Variants in SAMSN1 observed in about 807,000 individuals in gnomAD.
SAMSN1 encodes SAM domain, SH3 domain and nuclear localization signals 1.
In SAMSN1, 31 loss-of-function variants were observed where a neutral mutation model predicts 42.0. The observed-to-expected ratio is 0.74, with a 90% CI of 0.55 to 1.00. SAMSN1 has a LOEUF of 1.00. Ranked by LOEUF, SAMSN1 falls within the 50% of genes least tolerant of loss-of-function variation. SAMSN1 has a pLI of 0.00. For missense variants in SAMSN1, 464 were observed against 439.4 expected (o/e 1.06, Z -0.50); for synonymous variants, 178 against 151.9 (o/e 1.17, Z -1.26).
At chr21:14,602,370 T>G (rs1012822306) in intron 5 of SAMSN1, among the ~76,000 whole-genome samples, 4 of 152,128 alleles carry the variant, frequency 2.6e-5, no homozygotes, top group African/African-American at 9.7e-5. Flanking sequence ...CTCCCTTTCT[T>G]GGTAATAATA....
At chr21:14,557,118 C>A (rs1165115530) in intron 2 of SAMSN1, among the ~76,000 whole-genome samples, 1 of 152,084 alleles carries the variant, frequency 6.6e-6, no homozygotes, top group Non-Finnish European at 1.5e-5. Context: ...GCAGGCCTGG[C>A]AGAAGGGTCT....
intron 7 of SAMSN1, among the ~76,000 whole-genome samples, chr21:14,486,650 T>C (rs1986449677): frequency 6.6e-6 from 1 of 152,170 alleles, no homozygotes; most frequent in South Asian, 2.1e-4. Flanking sequence ...CTAATAAAAC[T>C]TTAAATATCC....
intron 2 of SAMSN1, among the ~76,000 whole-genome samples, chr21:14,559,637 C>CT (rs1980879404): frequency 6.6e-6 from 1 of 152,064 alleles, no homozygotes; most frequent in African/African-American, 2.4e-5. Flanking sequence ...ATTGCTAGGA[C>CT]TACAGGTGTT....
chr21:14,569,848 A>G (rs1213711163), intron 2 of SAMSN1, among the ~76,000 whole-genome samples: 1 of 152,196 alleles, frequency 6.6e-6, no homozygotes, highest in South Asian at 2.1e-4. Flanking sequence ...TGGCCTCAAA[A>G]TATGATGGTT....
intron 2 of SAMSN1, among the ~76,000 whole-genome samples, chr21:14,559,586 A>G (rs1980876794): frequency 1.3e-5 from 2 of 152,096 alleles, no homozygotes; most frequent in South Asian, 4.1e-4. Context: ...TCACTGCAGC[A>G]TTGAACTCAT....
intron 5 of SAMSN1, among the ~76,000 whole-genome samples, chr21:14,501,722 T>C (rs1987162678): frequency 6.6e-6 from 1 of 152,250 alleles, no homozygotes; most frequent in Non-Finnish European, 1.5e-5. Context: ...ACACTAAGGA[T>C]AAATTATGCT....
intron 7 of SAMSN1, among the ~76,000 whole-genome samples, chr21:14,496,651 A>G (rs2123673725): frequency 6.6e-6 from 1 of 152,312 alleles, no homozygotes; most frequent in Non-Finnish European, 1.5e-5. Context: ...ACACTGATCA[A>G]TTTTGTCTTG....
At chr21:14,648,823 G>A (rs1334147874) in intron 1 of SAMSN1, among the ~76,000 whole-genome samples, 1 of 152,064 alleles carries the variant, frequency 6.6e-6, no homozygotes, top group African/African-American at 2.4e-5. Flanking sequence ...CTGTGGGTGG[G>A]ACTGTAAACT....
intron 2 of SAMSN1, among the ~76,000 whole-genome samples, chr21:14,559,233 T>A (rs1980863512): frequency 6.6e-6 from 1 of 152,154 alleles, no homozygotes; most frequent in Non-Finnish European, 1.5e-5. Flanking sequence ...TATGGTGCAA[T>A]CAGTATGTCA....
At chr21:14,496,147 A>G (rs760609817) in intron 7 of SAMSN1, 1 of 152,190 alleles carries the variant, frequency 6.6e-6, no homozygotes, top group Non-Finnish European at 1.5e-5. Context: ...GCAGCCATGG[A>G]AGCCTCTCGC....
chr21:14,489,490 A>G (rs1167051249), intron 7 of SAMSN1, among the ~76,000 whole-genome samples: 1 of 152,172 alleles, frequency 6.6e-6, no homozygotes, highest in Admixed American at 6.5e-5. Context: ...AAGAATTAAA[A>G]CGGTATAATT....
intron 2 of SAMSN1, 121 bp downstream of exon 2, chr21:14,521,029 C>T: frequency 1.5e-6 from 1 of 662,432 alleles, no homozygotes; most frequent in South Asian, 2.0e-5. Context: ...AAAACATATG[C>T]AAGGCTATAA....
intron 1 of SAMSN1, among the ~76,000 whole-genome samples, chr21:14,652,188 A>C (rs1263532651): frequency 6.6e-6 from 1 of 152,030 alleles, no homozygotes; most frequent in African/African-American, 2.4e-5. Context: ...ATGGAAAAAA[A>C]ATCCTAAAAT....
intron 4 of SAMSN1, 113 bp downstream of exon 4, chr21:14,512,331 C>A: frequency 9.6e-7 from 1 of 1,046,822 alleles, no homozygotes; most frequent in Non-Finnish European, 1.4e-6. Flanking sequence ...TACATTTTTA[C>A]CATTTCTCTT....
At chr21:14,607,205 C>T (rs1171519088) in intron 5 of SAMSN1, among the ~76,000 whole-genome samples, 3 of 152,144 alleles carry the variant, frequency 2.0e-5, no homozygotes, top group Non-Finnish European at 4.4e-5. Context: ...TCACTGAACT[C>T]CACAGACTGC....
At chr21:14,623,795 C>A (rs1285090427) in intron 2 of SAMSN1, among the ~76,000 whole-genome samples, 1 of 152,162 alleles carries the variant, frequency 6.6e-6, no homozygotes, top group African/African-American at 2.4e-5. Context: ...ATCTACAGAA[C>A]TCTCCACCCC....
At chr21:14,621,240 A>C (rs1260004510) in intron 2 of SAMSN1, among the ~76,000 whole-genome samples, 1 of 152,198 alleles carries the variant, frequency 6.6e-6, no homozygotes, top group African/African-American at 2.4e-5. Flanking sequence ...AGTGACACAG[A>C]AGACGGGTGA....
intron 1 of SAMSN1, among the ~76,000 whole-genome samples, chr21:14,529,313 C>A (rs779573314): frequency 2.6e-5 from 4 of 152,218 alleles, no homozygotes; most frequent in Non-Finnish European, 5.9e-5. Context: ...GCTGTTATTA[C>A]ATGCTGTATC....
At chr21:14,577,206 T>C (rs28702407) in intron 2 of SAMSN1, among the ~76,000 whole-genome samples, 25,822 of 115,928 alleles carry the variant, frequency 0.22, 4,218 homozygotes, top group African/African-American at 0.42. Flanking sequence ...CAGGTGCATG[T>C]CACCATGGTG....
Sources: gnomAD v4.1 joint callset for allele counts (sites outside exome capture counted in the v4.1 genomes callset) on GRCh38, gnomAD v4.1.1 for gene constraint, MANE v1.5 for transcripts, NCBI Gene and HGNC (gene_info 2026-07-23, HGNC 2026-07-21) for gene names.